UIMC1: variants seen among roughly 807,000 people sequenced by gnomAD.
The protein encoded by UIMC1 is ubiquitin interaction motif containing 1, also known as BRCA1-A complex subunit RAP80.
A neutral mutation model predicts 84.9 loss-of-function variants in UIMC1; 42 were observed. The observed-to-expected ratio is 0.49, with a 90% CI of 0.39 to 0.64. The LOEUF is 0.64. UIMC1 is among the 30% of genes least tolerant of loss of function. The pLI, the probability that UIMC1 is intolerant of heterozygous loss-of-function variation, is 0.00. For missense variants in UIMC1, 825 were observed against 847.6 expected, an observed-to-expected ratio of 0.97 and a Z score of 0.33; for synonymous variants, 281 against 293.0, an observed-to-expected ratio of 0.96 and a Z score of 0.42.
At chr5:176,940,565 G>A (rs1764285966) in intron 10 of UIMC1, among the ~76,000 whole-genome samples, 1 of 151,932 alleles carries the variant, frequency 6.6e-6, no homozygotes, top group South Asian at 2.1e-4. Context: ...TTTAGTCACT[G>A]GAACACTCAG....
chr5:177,006,797 A>G (rs1475233344), upstream of UIMC1: 1 of 152,126 alleles, frequency 6.6e-6, no homozygotes, highest in Non-Finnish European at 1.5e-5. Flanking sequence ...CAGCGCGCGG[A>G]GACTTAACCA....
chr5:177,021,388 A>G (rs1775814697), intron 1 of UIMC1, among the ~76,000 whole-genome samples: 1 of 152,232 alleles, frequency 6.6e-6, no homozygotes. Context: ...GTAAAATATA[A>G]AAGAAATAAA....
chr5:176,982,302 T>G (rs950540317), intron 2 of UIMC1, among the ~76,000 whole-genome samples, 167 bp downstream of exon 2: 1 of 152,208 alleles, frequency 6.6e-6, no homozygotes, highest in African/African-American at 2.4e-5. Context: ...GATTACTACC[T>G]TAAGTAATTC....
At chr5:176,982,434 G>A in intron 2 of UIMC1, 35 bp downstream of exon 2, 1 of 1,591,840 alleles carries the variant, frequency 6.3e-7, no homozygotes, top group Non-Finnish European at 8.5e-7. Flanking sequence ...TAGTTTGAGA[G>A]CTACAGCTCT....
Position 176,911,312 on chromosome 5 carries a change from T to G in UIMC1, c.1675A>C (p.Lys559Gln), listed in dbSNP as rs1306245765. ...TAAQTSLDID[K>Q]NEKCYLCKSL... ...CGTGAATGCAGCATACCTACTTACT[T>G]GTCAATGTCTAGAGAAGTCTGGGCA... The change falls in exon 11 of 15, where the codon AAG becomes CAG. Residue 559 changes from lysine to glutamine, a missense_variant and splice_region_variant. Coordinates refer to ENST00000511320, the MANE Select transcript of UIMC1 (RefSeq NM_001199298.2). 1 of 1,594,746 alleles carries G rather than the reference T, an allele frequency of 6.3e-7. No homozygotes were observed. Among genetic ancestry groups the G allele is most frequent in the East Asian group, 2.3e-5 (1 of 43,974 alleles).
intron 1 of UIMC1, among the ~76,000 whole-genome samples, chr5:177,015,742 C>A (rs1407817300): frequency 6.6e-6 from 1 of 152,140 alleles, no homozygotes; most frequent in Non-Finnish European, 1.5e-5. Flanking sequence ...CCTGGCATCC[C>A]CTGAAGACAC....
chr5:176,955,098 A>G (rs1405197143), intron 8 of UIMC1, among the ~76,000 whole-genome samples: 2 of 152,210 alleles, frequency 1.3e-5, no homozygotes, highest in African/African-American at 2.4e-5. Flanking sequence ...ATAGTCTAAA[A>G]CAAATTCCTT....
Position 176,943,498 on chromosome 5 carries a change from A to G in UIMC1, c.1444-10T>C, listed in dbSNP as rs900817560. 8.1e-6 allele frequency: 13 copies of G among 1,613,434 alleles called. No homozygotes were observed. In the Admixed American group the frequency reaches 1.7e-4, roughly 21 times the overall value. On this transcript the variant is annotated splice_polypyrimidine_tract_variant and intron_variant, in intron 9 of 14. Transcript: ENST00000511320. ...CTTCCTTGTTACCAACCTGAAGAAC[A>G]TGACAAACAGCAATCATAACAGCTT...
At chr5:176,932,460 T>C (rs1365866055) in intron 10 of UIMC1, among the ~76,000 whole-genome samples, 2 of 152,132 alleles carry the variant, frequency 1.3e-5, no homozygotes, top group Non-Finnish European at 2.9e-5. Flanking sequence ...ATGACGTTTA[T>C]GATGTAATAC....
rs769202785 is a variant in UIMC1, at chr5:176,981,144, G to GTT, written c.147+1323_147+1324dup. Among the ~76,000 whole-genome samples, 222 of 132,242 alleles carry GTT rather than the reference G, an allele frequency of 1.7e-3. 3 individuals are homozygous for GTT. Among genetic ancestry groups the GTT allele is most frequent in the East Asian group, 0.01 (48 of 4,644 alleles). 86.8% of individuals were successfully genotyped at this position (132,242 alleles called of 152,430 possible). On this transcript the variant is annotated intron_variant, in intron 2 of 14. Transcript: ENST00000511320. ...CTATAAGGAACTTTTTGTTTTGTTG[G>GTT]TTTTTTTTTTTTTTTTTTGAGACGG...
chr5:177,018,366 A>G (rs1429706249), intron 1 of UIMC1, among the ~76,000 whole-genome samples: 1 of 152,018 alleles, frequency 6.6e-6, no homozygotes, highest in Non-Finnish European at 1.5e-5. Context: ...AAAAGAAAAG[A>G]AAGAAAAACT....
intron 6 of UIMC1, among the ~76,000 whole-genome samples, chr5:176,967,191 T>A (rs1561842285): frequency 1.3e-5 from 2 of 152,050 alleles, no homozygotes; most frequent in South Asian, 2.1e-4. Flanking sequence ...AATTATCATA[T>A]AATACAAATA....
intron 2 of UIMC1, among the ~76,000 whole-genome samples, chr5:176,980,974 C>CA (rs1484048950): frequency 6.6e-6 from 1 of 152,052 alleles, no homozygotes; most frequent in Non-Finnish European, 1.5e-5. Flanking sequence ...CGCCTGGCCT[C>CA]AAGCAATCCT....
chr5:176,999,335 A>G (rs1222197386), intron 1 of UIMC1, among the ~76,000 whole-genome samples: 1 of 152,222 alleles, frequency 6.6e-6, no homozygotes, highest in East Asian at 1.9e-4. Flanking sequence ...GCTTTGTTAC[A>G]GGTACACAAT....
chr5:176,942,803 T>C (rs1037559991), intron 10 of UIMC1, among the ~76,000 whole-genome samples: 5 of 134,870 alleles, frequency 3.7e-5, no homozygotes, highest in Non-Finnish European at 6.3e-5. Context: ...ACCTGTAATC[T>C]CAGCACTTTG....
At chr5:176,949,153 T>C (rs757962959) in intron 9 of UIMC1, among the ~76,000 whole-genome samples, 3 of 152,142 alleles carry the variant, frequency 2.0e-5, no homozygotes, top group African/African-American at 7.2e-5. Flanking sequence ...AGTTTTAGGG[T>C]ACATGTGCAC....
chr5:176,989,429 G>GT (rs1247416707), intron 1 of UIMC1, among the ~76,000 whole-genome samples: 1 of 152,078 alleles, frequency 6.6e-6, no homozygotes, highest in Non-Finnish European at 1.5e-5. Context: ...GGAGACCAAG[G>GT]TGAGAGGATC....
chr5:176,929,124 G>A (rs535616308), intron 10 of UIMC1, among the ~76,000 whole-genome samples: 59 of 151,808 alleles, frequency 3.9e-4, no homozygotes, highest in South Asian at 4.2e-4. Flanking sequence ...GGGTGGTGGC[G>A]CGCACTTGTA....
intron 7 of UIMC1, 81 bp downstream of exon 7, chr5:176,958,012 G>T: frequency 4.3e-6 from 6 of 1,382,010 alleles, no homozygotes; most frequent in Non-Finnish European, 6.1e-6. Flanking sequence ...AGCTGTCCAC[G>T]TACAGTCTCA....
Sources: gnomAD v4.1 joint callset for allele counts (sites outside exome capture counted in the v4.1 genomes callset) on GRCh38, gnomAD v4.1.1 for gene constraint, MANE v1.5 for transcripts, NCBI Gene and HGNC (gene_info 2026-07-23, HGNC 2026-07-21) for gene names.